The following ANKRD36 variants were observed in gnomAD, a reference collection of about 807,000 sequenced individuals.
The protein encoded by ANKRD36 is ankyrin repeat domain 36.
Under a neutral mutation model 278.1 loss-of-function variants are expected in ANKRD36, and 179 were observed. The ratio of observed to expected loss-of-function variants is 0.64; its 90% CI spans 0.57 to 0.73. The LOEUF (loss-of-function observed/expected upper bound fraction) is 0.73, where lower values mean the gene tolerates loss of function less well. ANKRD36 is among the 30% of genes least tolerant of loss of function. The pLI is 0.00. For missense variants in ANKRD36, 1,159 were observed against 1,956.7 expected (o/e 0.59, Z 7.69); for synonymous variants, 320 against 641.1 (o/e 0.50, Z 7.57).
rs372966711 is a variant in ANKRD36, at chr2:97,192,902, T to G, written c.2376+16T>G. The G allele has an allele frequency of 1.2e-3, 1,997 of 1,603,872 alleles. 10 individuals carry two copies. Among genetic ancestry groups the G allele is most frequent in the Non-Finnish European group, 1.4e-3 (1,646 of 1,177,214 alleles). ...AGCCTTGACGGTAATGAAACACTCA[T>G]TTATATTGTGAATGAGTTAAGGTAT... On this transcript the variant is annotated intron_variant, in intron 37 of 75. Coordinates refer to ENST00000420699, the MANE Select transcript of ANKRD36 (RefSeq NM_001354587.1).
intron 15 of ANKRD36, among the ~76,000 whole-genome samples, chr2:97,155,536 TAA>T (rs1378564001): frequency 6.8e-6 from 1 of 146,774 alleles, no homozygotes; most frequent in African/African-American, 2.4e-5. Context: ...TCTTTTTTAT[TAA>T]GAGTATACTT....
chr2:97,260,379 TACAC>T (rs1553500928), intron 75 of ANKRD36, among the ~76,000 whole-genome samples: 17 of 121,204 alleles, frequency 1.4e-4, no homozygotes, highest in African/African-American at 2.6e-4. Context: ...TATATATATA[TACAC>T]ACATATATAC....
chr2:97,118,149 G>C lies in ANKRD36; in HGVS notation c.283G>C (p.Asp95His). 2 of 1,571,100 alleles carry C rather than the reference G, an allele frequency of 1.3e-6. No individual in the cohort carries two copies. Among genetic ancestry groups the C allele is most frequent in the Non-Finnish European group, 1.7e-6 (2 of 1,156,890 alleles). The change falls in exon 2 of 76, where the codon GAC becomes CAC. Residue 95 changes from aspartate (D) to histidine (H), a missense_variant. Asp to His is a moderately conservative substitution (Grantham distance 81). Transcript: ENST00000420699. ...VSRRCELNLC[D>H]REDRTPLIKA... ...CAGAAGATGTGAGCTTAACCTCTGC[G>C]ACCGTGAAGACAGGACACCTCTGAT...
intron 67 of ANKRD36, 137 bp from the exon 68 acceptor site, chr2:97,233,593 T>C (rs1217875367): frequency 6.9e-7 from 1 of 1,458,032 alleles, no homozygotes; most frequent in African/African-American, 1.4e-5. Context: ...ATAAAGGAAA[T>C]TGCTTAAAAA....
chr2:97,121,163 C>T (rs1453115522), intron 3 of ANKRD36, among the ~76,000 whole-genome samples: 1 of 151,800 alleles, frequency 6.6e-6, no homozygotes, highest in Non-Finnish European at 1.5e-5. Context: ...CTTTGGTAAT[C>T]GGGTTGAACT....
chr2:97,206,316 G>A (rs1273634852), intron 52 of ANKRD36, among the ~76,000 whole-genome samples, 181 bp downstream of exon 52: 4 of 151,476 alleles, frequency 2.6e-5, no homozygotes, highest in East Asian at 2.0e-4. Flanking sequence ...CATGATCTTC[G>A]CTGTAAGATT....
intron 12 of ANKRD36, among the ~76,000 whole-genome samples, chr2:97,149,874 T>C (rs2153462680): frequency 6.6e-6 from 1 of 151,846 alleles, no homozygotes. Flanking sequence ...TATTTCTTTA[T>C]TTTTATTCCT....
chr2:97,148,932 G>A (rs1032291841), intron 11 of ANKRD36, among the ~76,000 whole-genome samples: 6 of 152,178 alleles, frequency 3.9e-5, no homozygotes, highest in Non-Finnish European at 7.3e-5. Flanking sequence ...CAAAAGTTGT[G>A]TCAGATATCA....
At chr2:97,198,889 G>T (rs1308671798) in intron 44 of ANKRD36, among the ~76,000 whole-genome samples, 1 of 151,804 alleles carries the variant, frequency 6.6e-6, no homozygotes, top group Non-Finnish European at 1.5e-5. Context: ...AAGAAATATG[G>T]AGAGCAGTTC....
intron 17 of ANKRD36, among the ~76,000 whole-genome samples, chr2:97,160,377 A>G (rs2048575512): frequency 1.3e-5 from 2 of 152,268 alleles, no homozygotes; most frequent in South Asian, 2.1e-4. Flanking sequence ...TTTTAAAATT[A>G]TCTCCTACAG....
rs535302383 is a variant in ANKRD36, at chr2:97,187,107, G to A, written c.2042-91G>A. ...TCAAAGCCTACACTAATACAGGCAGGCGGATACAGCTTGATGCTAACACCG... is the reference window on the plus strand; with the variant it reads ...TCAAAGCCTACACTAATACAGGCAGACGGATACAGCTTGATGCTAACACCG... On this transcript the variant is annotated intron_variant, in intron 30 of 75. Coordinates refer to ENST00000420699, the MANE Select transcript of ANKRD36 (RefSeq NM_001354587.1). The A allele has an allele frequency of 5.1e-4, 805 of 1,578,372 alleles. 1 individual carries two copies. The highest frequency in any genetic ancestry group is 6.5e-4 in the Non-Finnish European group (762 of 1,164,998).
intron 67 of ANKRD36, among the ~76,000 whole-genome samples, chr2:97,226,139 CAGT>C (rs1384979455): frequency 1.5e-4 from 22 of 151,532 alleles, no homozygotes; most frequent in Non-Finnish European, 2.8e-4. Context: ...GGTATATACC[CAGT>C]AATGGGATGG....
intron 1 of ANKRD36, among the ~76,000 whole-genome samples, chr2:97,115,651 C>G (rs1209483935): frequency 0.014 from 1 of 74 alleles, no homozygotes; most frequent in African/African-American, 0.056. Context: ...ATACTATTTT[C>G]TATCACAAGT....
chr2:97,248,488 T>G lies in ANKRD36; in HGVS notation c.5560-656T>G, dbSNP rs2075601478. 2.6e-5 allele frequency: 3 copies of G among 114,466 alleles called. No individual in the cohort carries two copies. In the South Asian group the frequency reaches 1.3e-3, roughly 50 times the overall value. 7.1% of individuals were successfully genotyped at this position (114,466 alleles called of 1,614,324 possible). A position where few individuals can be genotyped will look rare whatever the true frequency, so the allele number is the denominator to read the frequency against. Reference sequence around the variant, plus strand: ...CAATGGGAGAGTCAATAAGATCCTGTAGGATCTTATTTGGAACTGACTTTG... The same window carrying G: ...CAATGGGAGAGTCAATAAGATCCTGGAGGATCTTATTTGGAACTGACTTTG... On this transcript the variant is annotated intron_variant, in intron 72 of 75. Coordinates refer to ENST00000420699, the MANE Select transcript of ANKRD36 (RefSeq NM_001354587.1).
intron 62 of ANKRD36, 114 bp from the exon 63 acceptor site, chr2:97,217,063 A>C (rs1280486683): frequency 6.5e-7 from 1 of 1,531,674 alleles, no homozygotes. Context: ...GGAAACATCA[A>C]ATCCTACCCT....
intron 56 of ANKRD36, 111 bp downstream of exon 56, chr2:97,209,983 G>T: frequency 2.1e-6 from 3 of 1,424,994 alleles, no homozygotes; most frequent in East Asian, 2.6e-5. Context: ...TGATTCAGCA[G>T]TCCTGAGATT....
chr2:97,209,356 T>G (rs1252891140), intron 54 of ANKRD36, among the ~76,000 whole-genome samples: 1 of 146,736 alleles, frequency 6.8e-6, no homozygotes, highest in Non-Finnish European at 1.5e-5. Flanking sequence ...GATTCTCACG[T>G]ATATGAGTTG....
In ANKRD36 at chr2:97,200,310, TTATG is replaced by T. The variant is rs2060989940; in HGVS notation, c.2756-20_2756-17del. 4 of 1,607,284 alleles carry T rather than the reference TTATG, an allele frequency of 2.5e-6. No individual in the cohort carries two copies. In the African/African-American group the frequency reaches 4.0e-5, roughly 16 times the overall value. On this transcript the variant is annotated intron_variant, in intron 44 of 75. Coordinates refer to ENST00000420699, the MANE Select transcript of ANKRD36 (RefSeq NM_001354587.1). ...TTTTATCATGTTTACATGTGAGTGATTATGTATCCCTTTTGCTTTTCAGTGTCTT... is the reference window on the plus strand; with the variant it reads ...TTTTATCATGTTTACATGTGAGTGATTATCCCTTTTGCTTTTCAGTGTCTT...
Position 97,205,978 on chromosome 2 carries a change from C to A in ANKRD36, c.3090+10C>A. Reference sequence around the variant, plus strand: ...ACCACCAACCTTGAAGGTAATGAAACTCCCATTTATATTGTGAACGAGTTA... The same window carrying A: ...ACCACCAACCTTGAAGGTAATGAAAATCCCATTTATATTGTGAACGAGTTA... On this transcript the variant is annotated intron_variant, in intron 51 of 75. Coordinates refer to ENST00000420699, the MANE Select transcript of ANKRD36 (RefSeq NM_001354587.1). The A allele has an allele frequency of 1.3e-6, 2 of 1,554,240 alleles. No homozygotes were observed. The highest frequency in any genetic ancestry group is 1.7e-6 in the Non-Finnish European group (2 of 1,153,586).
Sources: allele counts gnomAD v4.1 joint callset (sites outside exome capture counted in the v4.1 genomes callset), GRCh38; gene constraint gnomAD v4.1.1; transcripts MANE v1.5; gene names NCBI Gene and HGNC (gene_info 2026-07-23, HGNC 2026-07-21).